Variants in NYNRIN observed in about 807,000 individuals in gnomAD.
The protein encoded by NYNRIN is protein NYNRIN.
In NYNRIN, 86 loss-of-function variants were observed where a neutral mutation model predicts 146.6. That is an observed-to-expected ratio of 0.59 (90% CI 0.49 to 0.70). The LOEUF (loss-of-function observed/expected upper bound fraction) is 0.70, where lower values mean the gene tolerates loss of function less well. NYNRIN is among the 30% of genes least tolerant of loss of function. NYNRIN has a pLI of 0.00. For synonymous variants in NYNRIN, 1,027 were observed against 1,001.3 expected (o/e 1.03, Z -0.48); for missense variants, 2,191 against 2,377.7 (o/e 0.92, Z 1.63).
chr14:24,410,054 C>T lies in NYNRIN; in HGVS notation c.2260C>T (p.Gln754Ter). The T allele has an allele frequency of 6.2e-7, 1 of 1,613,948 alleles. No individual in the cohort carries two copies. The highest frequency in any genetic ancestry group is 8.5e-7 in the Non-Finnish European group (1 of 1,179,910). ...GGGGGCTTGGGAGGGGGCCCCAAGG[C>T]AGCCACCTCGCCACCTGCAAGCGAA... ...LLGAWEGAPRQPPRHLQANST... is the reference protein window; with the variant it reads ...LLGAWEGAPR Residue 754 changes from glutamine (Q) to a stop codon, truncating the protein, a stop_gained, in exon 4 of 9, where the codon CAG (glutamine) becomes TAG (stop). Transcript: ENST00000382554. LOFTEE classifies it high-confidence loss of function.
In NYNRIN at chr14:24,415,645, C is replaced by A; in HGVS notation, c.3896C>A (p.Pro1299Gln). The change falls in exon 9 of 9, where the codon CCG becomes CAG. Residue 1299 changes from proline (P) to glutamine (Q), a missense_variant. Around this residue, in one of 3 missense-constraint regions of NYNRIN, gnomAD observed 1,291 missense variants for 1,417.0 expected, o/e 0.91. Transcript: ENST00000382554. ...ATGCCTCGCTTCTTCCAGGTTCTGC[C>A]GCCTTTCTCTGACCTGTCCACGTTC... Reference protein sequence around the residue: ...ASMPRFFQVLPPFSDLSTFVC... With the variant: ...ASMPRFFQVLQPFSDLSTFVC... 6.2e-7 allele frequency: 1 copy of A among 1,614,002 alleles called. No individual in the cohort carries two copies. The highest frequency in any genetic ancestry group is 8.5e-7 in the Non-Finnish European group (1 of 1,179,894).
At chr14:24,413,450 C>G in intron 8 of NYNRIN, 33 bp downstream of exon 8, 1 of 1,437,238 alleles carries the variant, frequency 7.0e-7, no homozygotes, top group South Asian at 1.3e-5. Flanking sequence ...CCTCCCAGGC[C>G]CTCCTGGGGC....
chr14:24,403,772 A>G (rs546085260), intron 2 of NYNRIN, among the ~76,000 whole-genome samples: 2 of 152,336 alleles, frequency 1.3e-5, no homozygotes, highest in Non-Finnish European at 2.9e-5. Context: ...ACTGCTCTCC[A>G]GTGGCTTCCC....
chr14:24,399,544 G>A (rs1445200429), intron 2 of NYNRIN, 100 bp downstream of exon 2: 7 of 1,079,694 alleles, frequency 6.5e-6, no homozygotes, highest in Non-Finnish European at 8.0e-6. Flanking sequence ...CACCCACCCT[G>A]CCCCCGCCTG....
In NYNRIN at chr14:24,409,917, G is replaced by A; in HGVS notation, c.2123G>A (p.Arg708Lys). Residue 708 changes from arginine to lysine, a missense_variant, in exon 4 of 9, where the codon AGG becomes AAG. Physicochemically the swap from Arg to Lys is conservative, Grantham distance 26. This residue lies in a region of NYNRIN where 895 missense variants were observed against 941.2 expected (regional missense o/e 0.95). Transcript: ENST00000382554. ...RLLSEVQPTS[R>K]ASVSLLKGQG... The stretch of plus-strand genomic sequence containing the variant: ...CTGAGTGAGGTCCAGCCTACATCAA[G>A]GGCTAGTGTCTCCTTACTGAAGGGC... 1.2e-6 allele frequency: 2 copies of A among 1,613,748 alleles called. No homozygotes were observed. Among genetic ancestry groups the A allele is most frequent in the Non-Finnish European group, 1.7e-6 (2 of 1,179,798 alleles).
chr14:24,412,291 C>T (rs2042917285), intron 6 of NYNRIN, among the ~76,000 whole-genome samples: 2 of 152,158 alleles, frequency 1.3e-5, no homozygotes, highest in South Asian at 4.1e-4. Context: ...GACCGTCCCT[C>T]TGCTGGGCAC....
rs1477228389 is a variant in NYNRIN at position 24,411,282 on chromosome 14, C to T, written c.2546-72C>T. On this transcript the variant is annotated intron_variant, in intron 5 of 8. Transcript: ENST00000382554. The surrounding 1 kb of genome is among the most constrained non-coding windows in gnomAD (Gnocchi z 4.3). ...CTCTCTGCCTTGCTGCCCCGACCCT[C>T]TGCCACCCCAGAGTGGCCATTTCCA... 7 of 1,612,280 alleles carry T rather than the reference C, an allele frequency of 4.3e-6. No individual in the cohort carries two copies. The highest frequency in any genetic ancestry group is 5.9e-6 in the Non-Finnish European group (7 of 1,178,680).
Position 24,418,368 on chromosome 14 carries a change from AC to A in NYNRIN, c.*926del. On this transcript the variant is annotated 3_prime_UTR_variant, in exon 9 of 9. Transcript: ENST00000382554. ...AGTGCTGGCATGGCTCTACCTCCCA[AC>A]CCCTCCCAACCCCATCCCAAAGCCT... The A allele has an allele frequency of 2.4e-6, 1 of 424,952 alleles. No individual in the cohort carries two copies. Among genetic ancestry groups the A allele is most frequent in the Non-Finnish European group, 4.7e-6 (1 of 212,474 alleles). 26.3% of individuals were successfully genotyped at this position (424,952 alleles called of 1,614,324 possible).
In NYNRIN at chr14:24,417,317, G is replaced by A. The variant is rs376814371; in HGVS notation, c.5568G>A (p.Leu1856=). The change falls in exon 9 of 9, where the codon CTG becomes CTA. Residue 1856 remains leucine (L), a synonymous_variant. Transcript: ENST00000382554. ...WVGPFYIGDR[L]SLSLYRIWGF... is the part of the protein sequence containing the mutation. ...GTCCCTTCTATATCGGGGACCGGCT[G>A]AGCCTGTCACTCTATAGGATATGGG... 13 of 1,612,386 alleles carry A rather than the reference G, an allele frequency of 8.1e-6. No individual in the cohort carries two copies. The highest frequency in any genetic ancestry group is 1.1e-5 in the Non-Finnish European group (13 of 1,179,190).
Position 24,411,416 on chromosome 14 carries a change from G to C in NYNRIN, c.2608G>C (p.Glu870Gln), listed in dbSNP as rs752207041. 1.2e-6 allele frequency: 2 copies of C among 1,614,020 alleles called. No homozygotes were observed. The highest frequency in any genetic ancestry group is 1.7e-6 in the Non-Finnish European group (2 of 1,179,894). The change falls in exon 6 of 9, where the codon GAG becomes CAG. Residue 870 changes from glutamate (E) to glutamine (Q), a missense_variant. Around this residue, in one of 3 missense-constraint regions of NYNRIN, gnomAD observed 1,291 missense variants for 1,417.0 expected, o/e 0.91. Transcript: ENST00000382554. The surrounding 1 kb of genome is among the most constrained non-coding windows in gnomAD (Gnocchi z 4.3). ...KMLSITPSQLENGKKITTYDY... is the reference protein window; with the variant it reads ...KMLSITPSQLQNGKKITTYDY... ...GCTTTCAATCACACCCTCCCAGCTTGAGAATGGCAAGAAGATCACCACCTA... is the reference window on the plus strand; with the variant it reads ...GCTTTCAATCACACCCTCCCAGCTTCAGAATGGCAAGAAGATCACCACCTA...
At chr14:24,412,815 A>G in intron 6 of NYNRIN, 182 bp from the exon 7 acceptor site, 1 of 525,232 alleles carries the variant, frequency 1.9e-6, no homozygotes. Flanking sequence ...GATCCCTATC[A>G]GTGATCTCAC....
intron 2 of NYNRIN, among the ~76,000 whole-genome samples, chr14:24,400,265 C>T (rs2042832987): frequency 6.6e-6 from 1 of 152,214 alleles, no homozygotes; most frequent in Admixed American, 6.5e-5. Context: ...GTGCGCCTCT[C>T]TTGCAATCTC....
In NYNRIN at chr14:24,414,677, T is replaced by A; in HGVS notation, c.2928T>A (p.Asp976Glu). 2 of 1,613,728 alleles carry A rather than the reference T, an allele frequency of 1.2e-6. No homozygotes were observed. Among genetic ancestry groups the A allele is most frequent in the Non-Finnish European group, 1.7e-6 (2 of 1,179,762 alleles). The change falls in exon 9 of 9, where the codon GAT becomes GAA. Residue 976 changes from aspartate (D) to glutamate (E), a missense_variant. Transcript: ENST00000382554. ...CAGCCAGTGTCACTGAGCTGAGTGA[T>A]GACGCTGACTCTGGGCCCCTGGAGA... ...PSSASVTELS[D>E]DADSGPLESL...
chr14:24,411,737 CA>C lies in NYNRIN; in HGVS notation c.2642+288del. Among the ~76,000 whole-genome samples, 1 of 152,330 alleles carries C rather than the reference CA, an allele frequency of 6.6e-6. No individual in the cohort carries two copies. The highest frequency in any genetic ancestry group is 6.5e-5 in the Admixed American group (1 of 15,306). The stretch of plus-strand genomic sequence containing the variant: ...GCATTCTTCCCCCATGACCTGTGAA[CA>C]TCAGAGAGGTTCCCCAGGGTTTTGG... On this transcript the variant is annotated intron_variant, in intron 6 of 8. Transcript: ENST00000382554. The surrounding 1 kb of genome is among the most constrained non-coding windows in gnomAD (Gnocchi z 4.3).
At position 24,408,226 on chromosome 14, in the gene NYNRIN, C is replaced by T. The variant is rs750350133; in HGVS notation, c.556C>T (p.Gln186Ter). ...CCTACTGCAGCTGCCCCCAGCGGTC[C>T]AGGAGCTGCTGCTGAGCCTGGTGCG... Reference protein sequence around the residue: ...GDLLQLPPAVQELLLSLVRDA... With the variant: ...GDLLQLPPAV Residue 186 changes from glutamine (Q) to a stop codon, truncating the protein, a stop_gained, in exon 3 of 9, where the codon CAG becomes TAG. Coordinates refer to ENST00000382554, the MANE Select transcript of NYNRIN (RefSeq NM_025081.3). LOFTEE classifies it high-confidence loss of function. 7 of 1,606,036 alleles carry T rather than the reference C, an allele frequency of 4.4e-6. No homozygotes were observed. The Admixed American group carries it at 6.7e-5, about 15-fold the overall frequency.
chr14:24,403,953 C>G (rs2042860972), intron 2 of NYNRIN, among the ~76,000 whole-genome samples: 1 of 152,214 alleles, frequency 6.6e-6, no homozygotes, highest in Admixed American at 6.5e-5. Context: ...GTTCTGGTCC[C>G]TGGTCATTTG....
In NYNRIN at chr14:24,416,217, G is replaced by A. The variant is rs770589936; in HGVS notation, c.4468G>A (p.Asp1490Asn). ...ACAGCTGAGTGACAGCACCCTGGCC[G>A]ACATCATTGCCAGGCTGCAGGCTGG... ...ALQLSDSTLA[D>N]IIARLQAGQK... is the part of the protein sequence containing the mutation. Residue 1490 changes from aspartate (D) to asparagine (N), a missense_variant, in exon 9 of 9, where the codon GAC (aspartate) becomes AAC (asparagine). Around this residue, in one of 3 missense-constraint regions of NYNRIN, gnomAD observed 1,291 missense variants for 1,417.0 expected, o/e 0.91. Coordinates refer to ENST00000382554, the MANE Select transcript of NYNRIN (RefSeq NM_025081.3). 9.3e-6 allele frequency: 15 copies of A among 1,613,842 alleles called. No individual in the cohort carries two copies. Among genetic ancestry groups the A allele is most frequent in the Middle Eastern group, 1.6e-4 (1 of 6,084 alleles).
At chr14:24,414,472 C>A (rs1275979779) in intron 8 of NYNRIN, 124 bp from the exon 9 acceptor site, 4 of 1,390,752 alleles carry the variant, frequency 2.9e-6, no homozygotes, top group African/African-American at 1.5e-5. Context: ...CTATGCCATG[C>A]AAGTTGTTGG....
rs756612498 is a variant in NYNRIN, at chr14:24,416,562, C to A, written c.4813C>A (p.Pro1605Thr). The change falls in exon 9 of 9, where the codon CCA becomes ACA. Residue 1605 changes from proline (P) to threonine (T), a missense_variant. Physicochemically the swap from Pro to Thr is conservative, Grantham distance 38 (BLOSUM62 -1). Coordinates refer to ENST00000382554, the MANE Select transcript of NYNRIN (RefSeq NM_025081.3). ...CAGCGAGTTGAAGGTTATTGAGTCC[C>A]CATGGCCCCTCAGGTCGACCGCCCC... ...IGSELKVIES[P>T]WPLRSTAPWS... 1.9e-6 allele frequency: 3 copies of A among 1,613,852 alleles called. No homozygotes were observed. The highest frequency in any genetic ancestry group is 2.7e-5 in the African/African-American group (2 of 74,914).
Sources: gnomAD v4.1 joint callset for allele counts (sites outside exome capture counted in the v4.1 genomes callset) on GRCh38, gnomAD v4.1.1 for gene constraint, gnomAD v4.1.1 regional missense constraint, Gnocchi (gnomAD v3.1) non-coding constraint, MANE v1.5 for transcripts, NCBI Gene and HGNC (gene_info 2026-07-23, HGNC 2026-07-21) for gene names.